Variants in MTUS2 observed in about 807,000 individuals in gnomAD.
The protein encoded by MTUS2 is microtubule-associated tumor suppressor candidate 2.
In MTUS2, 40 loss-of-function variants were observed where a neutral mutation model predicts 114.1. The ratio of observed to expected loss-of-function variants is 0.35; its 90% CI spans 0.27 to 0.46. The LOEUF is 0.46. Among genes scored for constraint, MTUS2 ranks in the 20% least tolerant of loss-of-function variants. MTUS2 has a pLI of 1.00. For missense variants in MTUS2, 1,679 were observed against 1,705.4 expected (o/e 0.98, Z 0.27); for synonymous variants, 688 against 672.0 (o/e 1.02, Z -0.37).
At chr13:29,319,684 AGAG>A (rs1900171542) in intron 6 of MTUS2, among the ~76,000 whole-genome samples, 1 of 152,100 alleles carries the variant, frequency 6.6e-6, no homozygotes, top group Admixed American at 6.6e-5. Flanking sequence ...ACATGAAACA[AGAG>A]GAGGGAAGGG....
chr13:29,388,981 C>T (rs35766488), intron 8 of MTUS2, among the ~76,000 whole-genome samples: 28,878 of 151,844 alleles, frequency 0.19, 2,931 homozygotes, highest in Middle Eastern at 0.26. Context: ...AATGGAACTG[C>T]CATTATATGG....
intron 2 of MTUS2, among the ~76,000 whole-genome samples, chr13:29,005,363 G>A (rs1185318312): frequency 3.3e-5 from 5 of 152,192 alleles, no homozygotes; most frequent in Non-Finnish European, 7.3e-5. Context: ...TTTGATCCCA[G>A]TGTTTGCCCA....
At chr13:29,250,681 T>A (rs1897092470) in intron 5 of MTUS2, 1 of 152,146 alleles carries the variant, frequency 6.6e-6, no homozygotes, top group African/African-American at 2.4e-5. Flanking sequence ...TCAGAAATTT[T>A]GGCTTACATA....
At chr13:29,195,180 A>G (rs1237199572) in intron 5 of MTUS2, among the ~76,000 whole-genome samples, 4 of 151,784 alleles carry the variant, frequency 2.6e-5, no homozygotes, top group African/African-American at 9.6e-5. Context: ...CCAGCATGGC[A>G]CATGTATACA....
chr13:29,406,283 G>A (rs1315305019), intron 8 of MTUS2, among the ~76,000 whole-genome samples: 1 of 152,138 alleles, frequency 6.6e-6, no homozygotes, highest in African/African-American at 2.4e-5. Context: ...GTATCTGGGA[G>A]AGACTTAGCC....
chr13:28,914,919 G>T (rs1386130032), intron 2 of MTUS2, among the ~76,000 whole-genome samples: 1 of 151,460 alleles, frequency 6.6e-6, no homozygotes, highest in African/African-American at 2.4e-5. Flanking sequence ...TGTGACCCCT[G>T]CTTTTTTTTG....
chr13:29,184,928 C>T (rs2139172507), intron 5 of MTUS2, among the ~76,000 whole-genome samples: 1 of 152,116 alleles, frequency 6.6e-6, no homozygotes, highest in Middle Eastern at 3.4e-3. Context: ...AGAGAACTTC[C>T]TTGAGGAAGT....
rs573293193 is a variant in MTUS2 at position 29,465,108 on chromosome 13, G to C, written c.3185-15042G>C. Among the ~76,000 whole-genome samples the C allele has an allele frequency of 7.9e-5, 12 of 152,292 alleles. No individual in the cohort carries two copies. The South Asian group carries it at 8.3e-4, about 11-fold the overall frequency. On this transcript the variant is annotated intron_variant, in intron 9 of 15. Coordinates refer to ENST00000612955, the MANE Select transcript of MTUS2 (RefSeq NM_001033602.4). ...GACGTTCAATAACCCTCTCTACACA[G>C]AGGACACAGTAGAGCAGCCGGCACA...
At chr13:29,248,538 A>G (rs1566090009) in intron 5 of MTUS2, among the ~76,000 whole-genome samples, 1 of 152,148 alleles carries the variant, frequency 6.6e-6, no homozygotes, top group East Asian at 1.9e-4. Flanking sequence ...ATCTAGGTAT[A>G]TGTGTGCCAT....
chr13:29,047,282 G>A (rs1329977607), intron 4 of MTUS2, among the ~76,000 whole-genome samples: 5 of 152,124 alleles, frequency 3.3e-5, no homozygotes, highest in African/African-American at 1.2e-4. Context: ...AGTGAGTGAT[G>A]TTGCATGTAA....
chr13:29,016,836 T>C (rs1029610368), intron 2 of MTUS2, among the ~76,000 whole-genome samples: 1 of 152,224 alleles, frequency 6.6e-6, no homozygotes, highest in African/African-American at 2.4e-5. Context: ...ACACCATACA[T>C]AGCTGCAGAG....
chr13:29,246,298 AG>A (rs2139414253), intron 5 of MTUS2, among the ~76,000 whole-genome samples: 1 of 152,294 alleles, frequency 6.6e-6, no homozygotes, highest in Non-Finnish European at 1.5e-5. Context: ...GGAAACTATG[AG>A]AAGATAAAGG....
Position 29,260,637 on chromosome 13 carries a change from ATGAG to A in MTUS2, c.2645-21063_2645-21060del, listed in dbSNP as rs1316905108. On this transcript the variant is annotated intron_variant, in intron 5 of 15. Transcript: ENST00000612955. Reference sequence around the variant, plus strand: ...TAAAGAATTAACACTGAACAACAAAATGAGTGAATGCTTTTAGCAAGAAAGCTAA... The same window carrying A: ...TAAAGAATTAACACTGAACAACAAAATGAATGCTTTTAGCAAGAAAGCTAA... Among the ~76,000 whole-genome samples the A allele has an allele frequency of 7.9e-5, 12 of 152,366 alleles. No individual in the cohort carries two copies. The East Asian group carries it at 2.3e-3, about 29-fold the overall frequency.
chr13:29,101,283 G>A (rs910233754), intron 5 of MTUS2, among the ~76,000 whole-genome samples: 4 of 151,834 alleles, frequency 2.6e-5, no homozygotes, highest in African/African-American at 9.7e-5. Context: ...TCCAAGAAAG[G>A]TGTTACCTAC....
At chr13:29,225,984 T>C (rs1896092635) in intron 5 of MTUS2, among the ~76,000 whole-genome samples, 2 of 152,234 alleles carry the variant, frequency 1.3e-5, no homozygotes, top group South Asian at 4.1e-4. Flanking sequence ...CTGGAATTGA[T>C]ATGTCCTTTA....
intron 5 of MTUS2, among the ~76,000 whole-genome samples, chr13:29,114,764 GA>G (rs1891019938): frequency 6.6e-6 from 1 of 152,182 alleles, no homozygotes; most frequent in African/African-American, 2.4e-5. Flanking sequence ...CCCAGGCAGG[GA>G]TGCAATGAGG....
At chr13:29,409,375 T>C (rs1389732598) in intron 8 of MTUS2, among the ~76,000 whole-genome samples, 1 of 152,238 alleles carries the variant, frequency 6.6e-6, no homozygotes, top group Admixed American at 6.5e-5. Context: ...TCTTTAGCCT[T>C]ATATGCTATA....
chr13:29,137,064 T>C (rs1387561193), intron 5 of MTUS2, among the ~76,000 whole-genome samples: 1 of 152,260 alleles, frequency 6.6e-6, no homozygotes, highest in Non-Finnish European at 1.5e-5. Flanking sequence ...TTCTGTGTTG[T>C]GTAGACTGTG....
intron 6 of MTUS2, among the ~76,000 whole-genome samples, chr13:29,292,306 G>A (rs1247258319): frequency 6.6e-6 from 1 of 152,122 alleles, no homozygotes; most frequent in Non-Finnish European, 1.5e-5. Context: ...TCCACTCAAC[G>A]TGTACCTACA....
Sources: gnomAD v4.1 joint callset for allele counts (sites outside exome capture counted in the v4.1 genomes callset) on GRCh38, gnomAD v4.1.1 for gene constraint, MANE v1.5 for transcripts, NCBI Gene and HGNC (gene_info 2026-07-23, HGNC 2026-07-21) for gene names.